SPEF2: variants seen among roughly 807,000 people sequenced by gnomAD.
The protein encoded by SPEF2 is sperm flagellar and cilia associated 2.
Under a neutral mutation model 224.6 loss-of-function variants are expected in SPEF2, and 187 were observed. That is an observed-to-expected ratio of 0.83 (90% confidence interval 0.74 to 0.94). SPEF2 has a LOEUF of 0.94. Among genes scored for constraint, SPEF2 ranks in the 40% least tolerant of loss-of-function variants. The pLI, the probability that SPEF2 is intolerant of heterozygous loss-of-function variation, is 0.00. For synonymous variants in SPEF2, 715 were observed against 707.3 expected, an observed-to-expected ratio of 1.01 and a Z score of -0.17; for missense variants, 2,170 against 2,135.6, an observed-to-expected ratio of 1.02 and a Z score of -0.32.
chr5:35,758,311 T>C lies in SPEF2; in HGVS notation c.3469-1257T>C, dbSNP rs145781160. On this transcript the variant is annotated intron_variant, in intron 24 of 36. Coordinates refer to ENST00000356031, the MANE Select transcript of SPEF2 (RefSeq NM_024867.4). ...CAATATTTAGGCCCTCAGGTATTGA[T>C]TTAAGTAGCCCAGGTGACTAAAGCA... is the stretch of plus-strand genomic sequence containing the variant. Among the ~76,000 whole-genome samples the C allele has an allele frequency of 1.2e-4, 19 of 152,264 alleles. No individual in the cohort carries two copies. The East Asian group carries it at 3.3e-3, about 26-fold the overall frequency.
chr5:35,688,317 ACTTTTT>A (rs1753956568), intron 10 of SPEF2, among the ~76,000 whole-genome samples: 1 of 152,276 alleles, frequency 6.6e-6, no homozygotes, highest in Non-Finnish European at 1.5e-5. Flanking sequence ...ATGATGAGCA[ACTTTTT>A]CTTGTTCTTG....
chr5:35,734,768 C>T (rs573350974), intron 21 of SPEF2, among the ~76,000 whole-genome samples: 1 of 137,330 alleles, frequency 7.3e-6, no homozygotes, highest in East Asian at 2.3e-4. Context: ...CTGGAGTACA[C>T]TGCTGCAATC....
chr5:35,779,006 G>C (rs980178552), intron 29 of SPEF2, 111 bp from the exon 30 acceptor site: 2 of 688,896 alleles, frequency 2.9e-6, no homozygotes, highest in Admixed American at 6.7e-5. Context: ...AGATGGAGTT[G>C]TCTAAGAGCT....
chr5:35,671,177 T>G (rs1426273445), intron 10 of SPEF2: 12 of 985,352 alleles, frequency 1.2e-5, no homozygotes, highest in Non-Finnish European at 1.4e-5. Context: ...TATTCACTGA[T>G]AGTACATACT....
intron 19 of SPEF2, chr5:35,709,766 C>CA (rs1740727423): frequency 1.0e-6 from 1 of 985,170 alleles, no homozygotes; most frequent in African/African-American, 1.7e-5. Context: ...AATATAATGA[C>CA]AAAAGTGAAG....
intron 16 of SPEF2, among the ~76,000 whole-genome samples, chr5:35,701,901 C>T (rs1405848725): frequency 6.6e-6 from 1 of 151,984 alleles, no homozygotes; most frequent in African/African-American, 2.4e-5. Flanking sequence ...ATCACTTGAG[C>T]CCAGGAATTC....
Position 35,644,525 on chromosome 5 carries a change from G to T in SPEF2, c.585G>T (p.Lys195Asn), listed in dbSNP as rs899639741. The T allele has an allele frequency of 5.0e-6, 8 of 1,589,100 alleles. No homozygotes were observed. Among genetic ancestry groups the T allele is most frequent in the South Asian group, 1.2e-5 (1 of 86,598 alleles). The change falls in exon 4 of 37, where the codon AAG becomes AAT. Residue 195 changes from lysine (K) to asparagine (N), a missense_variant and splice_region_variant. Transcript: ENST00000356031. Reference sequence around the variant, plus strand: ...AGCAAAGATGTTTTGATATTGAAAAGGTTCTATAGAACTATTTTTTCAGAA... The same window carrying T: ...AGCAAAGATGTTTTGATATTGAAAATGTTCTATAGAACTATTTTTTCAGAA... ...KEEQRCFDIE[K>N]QYLNRRRQNE...
Position 35,727,755 on chromosome 5 carries a change from G to A in SPEF2, c.2995G>A (p.Ala999Thr), listed in dbSNP as rs115170604. 0.048 allele frequency: 76,915 copies of A among 1,613,768 alleles called. 2,113 individuals carry two copies. The highest frequency in any genetic ancestry group is 0.052 in the Non-Finnish European group (60,924 of 1,179,776). Residue 999 changes from alanine (A) to threonine (T), a missense_variant, in exon 21 of 37, where the codon GCA becomes ACA. Coordinates refer to ENST00000356031, the MANE Select transcript of SPEF2 (RefSeq NM_024867.4). ...PADSTDTSPV[A>T]IVPQPPKPGS... is the part of the protein sequence containing the mutation. ...TGACTCTACAGATACATCACCTGTT[G>A]CAATAGTGCCACAGCCACCTAAGCC...
intron 10 of SPEF2, among the ~76,000 whole-genome samples, chr5:35,680,385 G>A (rs919350004): frequency 6.6e-6 from 1 of 152,090 alleles, no homozygotes; most frequent in Non-Finnish European, 1.5e-5. Context: ...CTAATTTTGG[G>A]TTATCCCTAT....
chr5:35,712,976 C>T, intron 20 of SPEF2, 90 bp downstream of exon 20: 2 of 1,134,486 alleles, frequency 1.8e-6, no homozygotes, highest in Middle Eastern at 4.1e-4. Context: ...TAGTAGTATA[C>T]ATTGACCACT....
At chr5:35,764,235 G>A (rs892813514) in intron 26 of SPEF2, among the ~76,000 whole-genome samples, 2 of 152,014 alleles carry the variant, frequency 1.3e-5, no homozygotes, top group African/African-American at 4.8e-5. Flanking sequence ...GCTCTATTTG[G>A]CAACCCCTCT....
chr5:35,796,129 T>C (rs1756627254), intron 33 of SPEF2, among the ~76,000 whole-genome samples: 1 of 152,232 alleles, frequency 6.6e-6, no homozygotes. Context: ...TCTAAAAGCT[T>C]AGGATAAAAT....
At chr5:35,732,421 G>A (rs1392496542) in intron 21 of SPEF2, among the ~76,000 whole-genome samples, 2 of 152,058 alleles carry the variant, frequency 1.3e-5, no homozygotes, top group African/African-American at 4.8e-5. Context: ...TTTTAAGAGA[G>A]ATTATGACAA....
intron 29 of SPEF2, among the ~76,000 whole-genome samples, chr5:35,777,189 T>C (rs1010872921): frequency 6.6e-6 from 1 of 152,306 alleles, no homozygotes; most frequent in Non-Finnish European, 1.5e-5. Flanking sequence ...GCAATTATTC[T>C]TAGAAGCAAC....
intron 1 of SPEF2, among the ~76,000 whole-genome samples, chr5:35,618,694 C>G (rs903354934): frequency 1.3e-5 from 2 of 151,994 alleles, no homozygotes; most frequent in African/African-American, 4.8e-5. Flanking sequence ...TATTTCTGGT[C>G]ACTATTGGCT....
chr5:35,704,230 TG>T (rs1234734748), intron 16 of SPEF2, among the ~76,000 whole-genome samples: 2 of 105,614 alleles, frequency 1.9e-5, no homozygotes, highest in African/African-American at 7.2e-5. Context: ...TACATCACTG[TG>T]TTAATTTTTC....
intron 10 of SPEF2, among the ~76,000 whole-genome samples, chr5:35,677,343 T>C (rs1752170051): frequency 6.6e-6 from 1 of 152,124 alleles, no homozygotes; most frequent in Non-Finnish European, 1.5e-5. Context: ...AAATAAAGCA[T>C]AGTTTAAGCA....
intron 7 of SPEF2, among the ~76,000 whole-genome samples, 175 bp from the exon 8 acceptor site, chr5:35,658,844 G>A (rs1749311306): frequency 6.6e-6 from 1 of 152,070 alleles, no homozygotes; most frequent in Non-Finnish European, 1.5e-5. Context: ...ACCAACTTTT[G>A]TTGGAAATCC....
chr5:35,670,276 T>C, intron 10 of SPEF2, 49 bp downstream of exon 10: 2 of 1,525,998 alleles, frequency 1.3e-6, no homozygotes, highest in South Asian at 1.3e-5. Flanking sequence ...AAATCCTTTT[T>C]CTTTAACATT....
Sources: allele counts gnomAD v4.1 joint callset (sites outside exome capture counted in the v4.1 genomes callset), GRCh38; gene constraint gnomAD v4.1.1; transcripts MANE v1.5; gene names NCBI Gene and HGNC (gene_info 2026-07-23, HGNC 2026-07-21).